Variants in NPIPB2 observed in about 807,000 individuals in gnomAD.
NPIPB2 encodes nuclear pore complex-interacting protein family member B2.
A neutral mutation model predicts 30.8 loss-of-function variants in NPIPB2; 27 were observed. The observed-to-expected ratio is 0.88, with a 90% confidence interval of 0.65 to 1.21. The LOEUF (loss-of-function observed/expected upper bound fraction) is 1.21, where lower values mean the gene tolerates loss of function less well. NPIPB2 is among the 50% of genes most tolerant of loss of function. The pLI is 0.00. For synonymous variants in NPIPB2, 147 were observed against 162.0 expected, an observed-to-expected ratio of 0.91 and a Z score of 0.70; for missense variants, 440 against 446.2, an observed-to-expected ratio of 0.99 and a Z score of 0.13.
At chr16:11,963,664 C>T (rs141179367) in intron 1 of NPIPB2, among the ~76,000 whole-genome samples, 1 of 152,238 alleles carries the variant, frequency 6.6e-6, no homozygotes, top group Non-Finnish European at 1.5e-5. Context: ...TTTGCCATTT[C>T]CTCAAATTTT....
chr16:11,973,812 A>G (rs1244087881), intron 1 of NPIPB2, among the ~76,000 whole-genome samples: 2 of 152,266 alleles, frequency 1.3e-5, no homozygotes, highest in Non-Finnish European at 2.9e-5. Context: ...TCACAAGGCT[A>G]CAAAAAGAAT....
intron 1 of NPIPB2, among the ~76,000 whole-genome samples, chr16:11,953,234 T>C (rs528898359): frequency 4.5e-4 from 68 of 151,782 alleles, no homozygotes; most frequent in African/African-American, 1.6e-3. Context: ...CAACCTCCGC[T>C]TCCTGGGTTC....
exon 2 of NPIPB2, chr16:11,937,621 A>G (rs767822738): frequency 6.3e-7 from 1 of 1,599,522 alleles, no homozygotes; most frequent in Non-Finnish European, 8.5e-7. Flanking sequence ...AAGGACTTCC[A>G]CCAAAGTCAG....
In NPIPB2 at chr16:11,936,235, T is replaced by G. The variant is rs999734908; in HGVS notation, c.192+1305A>C. ...AGGGGAATCACTTGAAGCCAGGAGG[T>G]GGAGGTTGCAGTGAGCCGAGGTCAC... On this transcript the variant is annotated intron_variant, in intron 2 of 7. Transcript: ENST00000399147. 5.4e-5 allele frequency among the ~76,000 whole-genome samples: 8 copies of G among 149,132 alleles called. No homozygotes were observed. The East Asian group carries it at 8.0e-4, about 15-fold the overall frequency.
At chr16:11,966,199 G>C (rs1206424584) in intron 1 of NPIPB2, 1 of 1,612,634 alleles carries the variant, frequency 6.2e-7, no homozygotes, top group Admixed American at 1.7e-5. Context: ...ATAAAGGTGT[G>C]ACCAATTCAG....
Position 11,936,082 on chromosome 16 carries a change from A to T in NPIPB2, c.192+1458T>A, listed in dbSNP as rs1181536170. ...CACTTGGGGAGGCTGAGGTGGGTGG[A>T]TCATTTGAGGTCGGGTTTTGAGACT... On this transcript the variant is annotated intron_variant, in intron 2 of 7. Transcript: ENST00000399147. 4.0e-5 allele frequency among the ~76,000 whole-genome samples: 6 copies of T among 149,266 alleles called. No homozygotes were observed. In the East Asian group the frequency reaches 1.2e-3, roughly 29 times the overall value.
At chr16:11,967,822 T>TA (rs2055207989) in intron 1 of NPIPB2, 5 of 1,613,960 alleles carry the variant, frequency 3.1e-6, no homozygotes, top group Non-Finnish European at 4.2e-6. Context: ...GCTACGGAGA[T>TA]AGAGAAATCA....
chr16:11,934,047 A>G (rs1323525513), intron 2 of NPIPB2, 123 bp from the exon 3 acceptor site: 3 of 702,922 alleles, frequency 4.3e-6, no homozygotes, highest in Non-Finnish European at 7.5e-6. Context: ...CCTGGCCAAG[A>G]TGGTGAAACC....
At chr16:11,948,578 A>G (rs1325927137) in intron 1 of NPIPB2, among the ~76,000 whole-genome samples, 5 of 151,814 alleles carry the variant, frequency 3.3e-5, no homozygotes, top group African/African-American at 4.8e-5. Context: ...CATCCCGGCT[A>G]AAACGGTGAA....
intron 2 of NPIPB2, among the ~76,000 whole-genome samples, chr16:11,936,187 C>A (rs1051875086): frequency 4.1e-5 from 6 of 147,474 alleles, no homozygotes; most frequent in African/African-American, 1.5e-4. Flanking sequence ...ACCTGTAATC[C>A]CAGCTACTTG....
chr16:11,967,635 C>A, intron 1 of NPIPB2: 1 of 1,614,150 alleles, frequency 6.2e-7, no homozygotes, highest in Non-Finnish European at 8.5e-7. Context: ...TGAAATTATT[C>A]TTCCGAGAGG....
rs576184569 is a variant in NPIPB2 at position 11,968,206 on chromosome 16, G to A, written c.-584+8362C>T. 2.7e-3 allele frequency: 615 copies of A among 228,112 alleles called. 1 individual carries two copies. Among genetic ancestry groups the A allele is most frequent in the Non-Finnish European group, 4.0e-3 (460 of 115,396 alleles). The allele number at this position is 228,112 out of a possible 1,614,324, so 14.1% of individuals were successfully genotyped here. A position where few individuals can be genotyped will look rare whatever the true frequency, so the allele number is the denominator to read the frequency against. On this transcript the variant is annotated intron_variant, in intron 1 of 5. Transcript: ENST00000538896. ...AAAGCTCCAGTTTTGGCCAGGCGCG[G>A]TGGCTCATGCCTGTAATCCCAGCAC...
At chr16:11,961,582 C>T (rs1009928650) in intron 1 of NPIPB2, among the ~76,000 whole-genome samples, 1 of 151,614 alleles carries the variant, frequency 6.6e-6, no homozygotes, top group African/African-American at 2.4e-5. Flanking sequence ...GAGTTCGAGA[C>T]CAGCCTGGCC....
At chr16:11,934,860 A>G (rs1205740207) in intron 2 of NPIPB2, among the ~76,000 whole-genome samples, 1 of 125,376 alleles carries the variant, frequency 8.0e-6, no homozygotes, top group Non-Finnish European at 1.6e-5. Context: ...TCTGTCTCAA[A>G]AAAAAAAAAA....
exon 8 of NPIPB2, chr16:11,927,463 C>A (rs747464726): frequency 8.4e-7 from 1 of 1,183,922 alleles, no homozygotes; most frequent in South Asian, 1.3e-5. Flanking sequence ...CGGCCCTCCG[C>A]CTCTTGGGTT....
intron 1 of NPIPB2, among the ~76,000 whole-genome samples, chr16:11,948,542 G>T (rs1438676172): frequency 1.3e-5 from 2 of 151,984 alleles, no homozygotes; most frequent in African/African-American, 2.4e-5. Flanking sequence ...CGAGGCGGAT[G>T]GATCACGAGG....
At chr16:11,976,376 G>C (rs964113959) in intron 1 of NPIPB2, among the ~76,000 whole-genome samples, 5 of 152,204 alleles carry the variant, frequency 3.3e-5, no homozygotes, top group African/African-American at 1.2e-4. Flanking sequence ...CGCCTCCTTA[G>C]AGAGGCCCTC....
At chr16:11,958,665 G>A (rs560756617) in intron 1 of NPIPB2, among the ~76,000 whole-genome samples, 9 of 152,194 alleles carry the variant, frequency 5.9e-5, no homozygotes, top group East Asian at 5.8e-4. Context: ...CACTTGGGCC[G>A]GGGAGGTTGA....
In NPIPB2 at chr16:11,963,761, C is replaced by T. The variant is rs534619306; in HGVS notation, c.-584+12807G>A. The T allele has an allele frequency of 4.6e-5, 7 of 152,250 alleles. No individual in the cohort carries two copies. The East Asian group carries it at 1.4e-3, about 29-fold the overall frequency. The allele number at this position is 152,250 out of a possible 1,614,324, so 9.4% of individuals were successfully genotyped here. The stretch of plus-strand genomic sequence containing the variant: ...TGGTTAAAAGCAAATTCAAGCTGGG[C>T]TTAGTGGCTCACACCTGTAATCCCA... On this transcript the variant is annotated intron_variant, in intron 1 of 5. Coordinates refer to the NPIPB2 transcript ENST00000538896.
Sources: allele counts gnomAD v4.1 joint callset (sites outside exome capture counted in the v4.1 genomes callset), GRCh38; gene constraint gnomAD v4.1.1; transcripts MANE v1.5; gene names NCBI Gene and HGNC (gene_info 2026-07-23, HGNC 2026-07-21).